The following TRAPPC8 variants were observed in gnomAD, a reference collection of about 807,000 sequenced individuals.
The protein encoded by TRAPPC8 is trafficking protein particle complex subunit 8.
In TRAPPC8, 54 loss-of-function variants were observed where a neutral mutation model predicts 174.3. The ratio of observed to expected loss-of-function variants is 0.31; its 90% CI spans 0.25 to 0.39. TRAPPC8 has a LOEUF of 0.39. Ranked by LOEUF, TRAPPC8 falls within the 10% of genes least tolerant of loss-of-function variation. The pLI is 1.00. For missense variants in TRAPPC8, 1,531 were observed against 1,699.1 expected (o/e 0.90, Z 1.74); for synonymous variants, 630 against 579.9 (o/e 1.09, Z -1.24).
chr18:31,881,091 A>T (rs932264730), intron 12 of TRAPPC8, among the ~76,000 whole-genome samples: 1 of 152,108 alleles, frequency 6.6e-6, no homozygotes, highest in Non-Finnish European at 1.5e-5. Context: ...CAGATTCAAC[A>T]AACTATCTAT....
At chr18:31,837,685 G>A in intron 27 of TRAPPC8, among the ~76,000 whole-genome samples, 1 of 151,862 alleles carries the variant, frequency 6.6e-6, no homozygotes, top group Non-Finnish European at 1.5e-5. Flanking sequence ...GTGACAGTGT[G>A]TGACTCTGTC....
chr18:31,894,929 C>T (rs564552647), intron 11 of TRAPPC8, among the ~76,000 whole-genome samples: 7 of 152,152 alleles, frequency 4.6e-5, no homozygotes, highest in Non-Finnish European at 1.0e-4. Context: ...GAAACAGACA[C>T]AAGTAGGTAT....
chr18:31,880,121 A>ATATATATATATAT (rs1239258266), intron 12 of TRAPPC8, among the ~76,000 whole-genome samples: 8 of 69,048 alleles, frequency 1.2e-4, no homozygotes, highest in African/African-American at 4.7e-4. Context: ...ATATATATAT[A>ATATATATATATAT]TTTTTTTTTT....
intron 2 of TRAPPC8, among the ~76,000 whole-genome samples, chr18:31,919,583 AATAAATAAAATAAT>A (rs1261486639): frequency 2.2e-5 from 3 of 135,262 alleles, no homozygotes; most frequent in Admixed American, 1.5e-4. Context: ...TAAATAAATA[AATAAATAAAATAAT>A]AATAATCCTA....
chr18:31,855,759 T>C lies in TRAPPC8; in HGVS notation c.3237A>G (p.Leu1079=), dbSNP rs745643276. Residue 1079 remains leucine (L), a synonymous_variant, in exon 21 of 29, where the codon TTA becomes TTG. Coordinates refer to ENST00000283351, the MANE Select transcript of TRAPPC8 (RefSeq NM_014939.5). ...HTAIICTSRS[L]NVRATVCRSN... ...TTCTGCAGACAGTGGCCCGTACATT[T>C]AAAGACCGACTGGTACAAATAATTG... 4.4e-6 allele frequency: 7 copies of C among 1,608,630 alleles called. No individual in the cohort carries two copies. Among genetic ancestry groups the C allele is most frequent in the Non-Finnish European group, 3.4e-6 (4 of 1,179,026 alleles).
chr18:31,865,481 T>C lies in TRAPPC8; in HGVS notation c.2591-700A>G, dbSNP rs186200671. Among the ~76,000 whole-genome samples, 869 of 152,120 alleles carry C rather than the reference T, an allele frequency of 5.7e-3. 10 individuals are homozygous for C. The highest frequency in any genetic ancestry group is 8.7e-3 in the Admixed American group (133 of 15,280). ...TATAAAATGTATTGATTCCCACACTTCATGTGACCCAAATCCTTATTAGCA... is the reference window on the plus strand; with the variant it reads ...TATAAAATGTATTGATTCCCACACTCCATGTGACCCAAATCCTTATTAGCA... On this transcript the variant is annotated intron_variant, in intron 18 of 28. Transcript: ENST00000283351.
At chr18:31,910,334 G>A (rs1014192195) in intron 5 of TRAPPC8, among the ~76,000 whole-genome samples, 7 of 152,130 alleles carry the variant, frequency 4.6e-5, no homozygotes, top group Non-Finnish European at 1.0e-4. Flanking sequence ...CAGTAAATAT[G>A]ATGTATTATT....
In TRAPPC8 at chr18:31,942,639, C is replaced by A; in HGVS notation, c.126G>T (p.Leu42=). The A allele has an allele frequency of 6.2e-7, 1 of 1,610,788 alleles. No homozygotes were observed. The stretch of plus-strand genomic sequence containing the variant: ...AAGTGAGGCGGGAGAAGGGCTTAAG[C>A]AGCTCCGCGAAGCTGAGGTGATTGA... ...TRLNHLSFAE[L]LKPFSRLTSE... is the part of the protein sequence containing the mutation. Residue 42 remains leucine, a synonymous_variant, in exon 1 of 29, where the codon CTG becomes CTT. Transcript: ENST00000283351.
intron 2 of TRAPPC8, among the ~76,000 whole-genome samples, chr18:31,927,853 G>T (rs1412784718): frequency 6.6e-6 from 1 of 152,138 alleles, no homozygotes; most frequent in East Asian, 1.9e-4. Context: ...TTTGAGACCA[G>T]CCTAGGCAAC....
In TRAPPC8 at chr18:31,893,541, T is replaced by C. The variant is rs528929826; in HGVS notation, c.1597-2675A>G. 2.8e-4 allele frequency among the ~76,000 whole-genome samples: 42 copies of C among 152,340 alleles called. No homozygotes were observed. In the South Asian group the frequency reaches 8.5e-3, roughly 31 times the overall value. The stretch of plus-strand genomic sequence containing the variant: ...GCTGGTTAGATATCACAATACCATT[T>C]TGTGAGTAAGTTAACTTTCTCCACT... On this transcript the variant is annotated intron_variant, in intron 11 of 28. Coordinates refer to ENST00000283351, the MANE Select transcript of TRAPPC8 (RefSeq NM_014939.5).
At chr18:31,838,112 G>T (rs760146765) in intron 27 of TRAPPC8, among the ~76,000 whole-genome samples, 12 of 152,112 alleles carry the variant, frequency 7.9e-5, no homozygotes, top group Non-Finnish European at 1.6e-4. Context: ...TGGAACTACA[G>T]GTGTGTACCA....
intron 12 of TRAPPC8, chr18:31,883,767 A>G (rs2035573487): frequency 6.6e-6 from 1 of 152,256 alleles, no homozygotes; most frequent in Non-Finnish European, 1.5e-5. Flanking sequence ...AAGTGGTAAC[A>G]GTTCTAAAAA....
At chr18:31,892,667 T>A (rs1285309233) in intron 11 of TRAPPC8, among the ~76,000 whole-genome samples, 2 of 152,062 alleles carry the variant, frequency 1.3e-5, no homozygotes, top group African/African-American at 2.4e-5. Context: ...CATACTCTCA[T>A]CAACAAAGAA....
chr18:31,932,620 C>T (rs536070500), intron 1 of TRAPPC8, among the ~76,000 whole-genome samples: 2 of 152,182 alleles, frequency 1.3e-5, no homozygotes, highest in East Asian at 3.9e-4. Flanking sequence ...GTCCACAGTC[C>T]ACAGAACAAA....
chr18:31,888,099 AACAG>A (rs2035800629), intron 12 of TRAPPC8, among the ~76,000 whole-genome samples: 2 of 152,146 alleles, frequency 1.3e-5, no homozygotes, highest in African/African-American at 4.8e-5. Context: ...AAAGAACATG[AACAG>A]ACACTTCTCA....
intron 27 of TRAPPC8, among the ~76,000 whole-genome samples, chr18:31,836,758 CTTTTT>C (rs68104803): frequency 1.1e-5 from 1 of 89,870 alleles, no homozygotes. Flanking sequence ...ATCTTTCAGT[CTTTTT>C]TTTTTTTTTT....
chr18:31,862,328 T>C (rs1001367402), intron 19 of TRAPPC8, among the ~76,000 whole-genome samples: 1 of 150,854 alleles, frequency 6.6e-6, no homozygotes, highest in Non-Finnish European at 1.5e-5. Context: ...AAAAGGGACT[T>C]GGCTTGCCAG....
At chr18:31,862,855 A>G (rs562512993) in intron 19 of TRAPPC8, among the ~76,000 whole-genome samples, 220 of 152,222 alleles carry the variant, frequency 1.4e-3, no homozygotes, top group African/African-American at 5.1e-3. Context: ...GGAGATTGAG[A>G]CCATCCTGGC....
In TRAPPC8 at chr18:31,849,547, A is replaced by T. The variant is rs372297016; in HGVS notation, c.3735+19T>A. On this transcript the variant is annotated intron_variant, in intron 25 of 28. Coordinates refer to ENST00000283351, the MANE Select transcript of TRAPPC8 (RefSeq NM_014939.5). ...GTATCTATAAGTGAGGCTTGCTGAA[A>T]TAATTTAGTAGCACATACCTTCCAT... The T allele has an allele frequency of 5.8e-6, 9 of 1,559,114 alleles. No individual in the cohort carries two copies. The African/African-American group carries it at 1.1e-4, about 19-fold the overall frequency.
Sources: gnomAD v4.1 joint callset for allele counts (sites outside exome capture counted in the v4.1 genomes callset) on GRCh38, gnomAD v4.1.1 for gene constraint, MANE v1.5 for transcripts, NCBI Gene and HGNC (gene_info 2026-07-23, HGNC 2026-07-21) for gene names.